Variants in MSH4 observed in about 807,000 individuals in gnomAD.
MSH4 encodes the protein mutS homolog 4.
Under a neutral mutation model 113.7 loss-of-function variants are expected in MSH4, and 106 were observed. The ratio of observed to expected loss-of-function variants is 0.93; its 90% CI spans 0.80 to 1.10. The LOEUF (loss-of-function observed/expected upper bound fraction) is 1.10, where lower values mean the gene tolerates loss of function less well. MSH4 is among the 50% of genes least tolerant of loss of function. The pLI is 0.00. For synonymous variants in MSH4, 368 were observed against 380.2 expected (o/e 0.97, Z 0.37); for missense variants, 1,061 against 1,093.7 (o/e 0.97, Z 0.42).
chr1:75,883,272 C>T (rs1201051534), intron 14 of MSH4, among the ~76,000 whole-genome samples: 3 of 150,884 alleles, frequency 2.0e-5, no homozygotes, highest in African/African-American at 7.3e-5. Flanking sequence ...TCCTCCGCCT[C>T]CCAAATGCTG....
intron 8 of MSH4, among the ~76,000 whole-genome samples, chr1:75,855,630 G>T (rs1651299376): frequency 6.6e-6 from 1 of 152,056 alleles, no homozygotes; most frequent in South Asian, 2.1e-4. Flanking sequence ...GCCAATCTGT[G>T]TTTCCTCTTC....
chr1:75,883,319 G>T (rs1651976916), intron 14 of MSH4, among the ~76,000 whole-genome samples: 1 of 151,212 alleles, frequency 6.6e-6, no homozygotes, highest in Non-Finnish European at 1.5e-5. Context: ...TGGTCTGCTT[G>T]GTTCTTTTTA....
Position 75,848,280 on chromosome 1 carries a change from T to G in MSH4, c.1230+4T>G. The G allele has an allele frequency of 2.5e-6, 4 of 1,572,538 alleles. No individual in the cohort carries two copies. The highest frequency in any genetic ancestry group is 3.5e-6 in the Non-Finnish European group (4 of 1,144,330). ...CCAAATTCCAAAGCAAGACACGGTATGTTTTTGTATACATTTTGTATTATA... is the reference window on the plus strand; with the variant it reads ...CCAAATTCCAAAGCAAGACACGGTAGGTTTTTGTATACATTTTGTATTATA... On this transcript the variant is annotated splice_donor_region_variant and intron_variant, in intron 8 of 19. Coordinates refer to ENST00000263187, the MANE Select transcript of MSH4 (RefSeq NM_002440.4).
At chr1:75,841,990 C>T (rs1367722324) in intron 7 of MSH4, among the ~76,000 whole-genome samples, 1 of 152,130 alleles carries the variant, frequency 6.6e-6, no homozygotes, top group Non-Finnish European at 1.5e-5. Flanking sequence ...ATGAACACAG[C>T]CCTCAGGAGG....
intron 19 of MSH4, among the ~76,000 whole-genome samples, chr1:75,905,148 GT>G (rs55677113): frequency 6.8e-6 from 1 of 147,296 alleles, no homozygotes; most frequent in East Asian, 2.1e-4. Flanking sequence ...GGTTGTTGTT[GT>G]TTTTTTTTAA....
intron 14 of MSH4, among the ~76,000 whole-genome samples, chr1:75,882,074 G>A (rs1015338233): frequency 1.3e-5 from 2 of 151,874 alleles, no homozygotes. Context: ...ACTTTTATGG[G>A]ATGTATCTTA....
chr1:75,886,538 AT>A lies in MSH4; in HGVS notation c.2108-2711del, dbSNP rs1557525066. On this transcript the variant is annotated intron_variant, in intron 15 of 19. Coordinates refer to ENST00000263187, the MANE Select transcript of MSH4 (RefSeq NM_002440.4). ...ATATATATGATGTATTATATATATT[AT>A]TATCTATTATATACGATGTATTATA... 2.8e-4 allele frequency among the ~76,000 whole-genome samples: 32 copies of A among 113,186 alleles called. 1 individual carries two copies. The East Asian group carries it at 8.2e-3, about 29-fold the overall frequency. The allele number at this position is 113,186 out of a possible 152,430, so 74.3% of individuals were successfully genotyped here. A position where few individuals can be genotyped will look rare whatever the true frequency, so the allele number is the denominator to read the frequency against.
chr1:75,893,623 C>T (rs1908089), intron 17 of MSH4, among the ~76,000 whole-genome samples: 64,877 of 151,968 alleles, frequency 0.43, 14,185 homozygotes, highest in African/African-American at 0.5. Flanking sequence ...ATTTCTTTGC[C>T]TCTAGACCTA....
intron 7 of MSH4, among the ~76,000 whole-genome samples, chr1:75,826,472 CT>C (rs1427227490): frequency 3.3e-5 from 5 of 152,094 alleles, no homozygotes; most frequent in Admixed American, 1.3e-4. Flanking sequence ...CAGTTCTGCT[CT>C]GATCTTAGTT....
chr1:75,836,224 T>G (rs1005490472), intron 7 of MSH4, among the ~76,000 whole-genome samples: 3 of 152,122 alleles, frequency 2.0e-5, no homozygotes, highest in African/African-American at 7.2e-5. Context: ...TTGGCTTGGT[T>G]TCCCTTCTCT....
intron 8 of MSH4, among the ~76,000 whole-genome samples, chr1:75,865,441 A>G (rs910598417): frequency 1.3e-5 from 2 of 152,156 alleles, no homozygotes; most frequent in Non-Finnish European, 2.9e-5. Flanking sequence ...CACTAATGCT[A>G]TTGTTTATTA....
chr1:75,809,545 A>C (rs992702763), intron 3 of MSH4, among the ~76,000 whole-genome samples: 1 of 152,098 alleles, frequency 6.6e-6, no homozygotes, highest in Non-Finnish European at 1.5e-5. Flanking sequence ...GCCATAAGGC[A>C]GATGTTTCTC....
chr1:75,826,820 G>T (rs1356043162), intron 7 of MSH4, among the ~76,000 whole-genome samples: 1 of 152,182 alleles, frequency 6.6e-6, no homozygotes, highest in Non-Finnish European at 1.5e-5. Flanking sequence ...ACTGTGGTCT[G>T]AGAGACTGTT....
intron 8 of MSH4, among the ~76,000 whole-genome samples, chr1:75,853,119 C>T (rs1482174997): frequency 1.6e-4 from 25 of 152,096 alleles, no homozygotes; most frequent in Admixed American, 1.6e-3. Context: ...GGCTGGAATG[C>T]AGTGGTGTAA....
chr1:75,900,215 G>A (rs1557531086), intron 19 of MSH4, among the ~76,000 whole-genome samples: 1 of 152,082 alleles, frequency 6.6e-6, no homozygotes, highest in Admixed American at 6.6e-5. Flanking sequence ...GAAGCAGTAG[G>A]TTCAACACTA....
At chr1:75,798,559 CT>C (rs35974049) in intron 1 of MSH4, among the ~76,000 whole-genome samples, 159 of 137,626 alleles carry the variant, frequency 1.2e-3, no homozygotes, top group Admixed American at 2.5e-3. Flanking sequence ...CCTCTCTGCA[CT>C]TTTTTTTTTT....
At chr1:75,876,144 G>A (rs1651812816) in intron 9 of MSH4, among the ~76,000 whole-genome samples, 1 of 152,006 alleles carries the variant, frequency 6.6e-6, no homozygotes, top group Non-Finnish European at 1.5e-5. Context: ...TCCAGAATCT[G>A]GAACTTCTGA....
chr1:75,816,477 A>T lies in MSH4; in HGVS notation c.920A>T (p.Glu307Val). The T allele has an allele frequency of 9.3e-6, 15 of 1,610,940 alleles. No individual in the cohort carries two copies. Among genetic ancestry groups the T allele is most frequent in the Non-Finnish European group, 1.3e-5 (15 of 1,178,036 alleles). ...CTGAAGATTTGTTTCCAGGGTAGTG[A>T]ACAGACAGCCATGATAGATTCATCA... ...KSLKICFQGS[E>V]QTAMIDSSSA... Residue 307 changes from glutamate (E) to valine (V), a missense_variant, in exon 6 of 20, where the codon GAA becomes GTA. Glu to Val is a moderately radical substitution (Grantham distance 121, BLOSUM62 -2). Transcript: ENST00000263187.
intron 19 of MSH4, among the ~76,000 whole-genome samples, chr1:75,900,453 C>T (rs1210508317): frequency 6.6e-6 from 1 of 150,428 alleles, no homozygotes; most frequent in Non-Finnish European, 1.5e-5. Flanking sequence ...AAGCGCCCAC[C>T]ACCACACCCG....
Sources: allele counts gnomAD v4.1 joint callset (sites outside exome capture counted in the v4.1 genomes callset), GRCh38; gene constraint gnomAD v4.1.1; transcripts MANE v1.5; gene names NCBI Gene and HGNC (gene_info 2026-07-23, HGNC 2026-07-21).